DLG2: variants seen among roughly 807,000 people sequenced by gnomAD.
DLG2 encodes discs large MAGUK scaffold protein 2.
In DLG2, 45 loss-of-function variants were observed where a neutral mutation model predicts 132.5. That is an observed-to-expected ratio of 0.34 (90% confidence interval 0.27 to 0.44). The LOEUF (loss-of-function observed/expected upper bound fraction) is 0.44, where lower values mean the gene tolerates loss of function less well. Among genes scored for constraint, DLG2 ranks in the 20% least tolerant of loss-of-function variants. The pLI is 1.00. For missense variants in DLG2, 1,045 were observed against 1,196.9 expected, an observed-to-expected ratio of 0.87 and a Z score of 1.87; for synonymous variants, 424 against 419.6, an observed-to-expected ratio of 1.01 and a Z score of -0.13.
chr11:85,283,575 T>C (rs751918948), intron 4 of DLG2, among the ~76,000 whole-genome samples: 1 of 150,382 alleles, frequency 6.6e-6, no homozygotes, highest in Admixed American at 6.6e-5. Context: ...CTTAGAAAAA[T>C]AGACAAAGAG....
chr11:83,637,236 C>T lies in DLG2; in HGVS notation c.1826-3911G>A, dbSNP rs1489751488. On this transcript the variant is annotated intron_variant, in intron 18 of 27. Transcript: ENST00000376104. ...TCCATTAAATATTAATTCTCTCTTC[C>T]TCAAATGTTTTACTCATATCTATGC... 2.6e-5 allele frequency among the ~76,000 whole-genome samples: 4 copies of T among 152,224 alleles called. No homozygotes were observed. The East Asian group carries it at 7.7e-4, about 29-fold the overall frequency.
intron 3 of DLG2, among the ~76,000 whole-genome samples, chr11:85,292,282 A>G (rs2078942331): frequency 6.6e-6 from 1 of 152,102 alleles, no homozygotes; most frequent in Non-Finnish European, 1.5e-5. Flanking sequence ...TAAACGTCCT[A>G]TCTTAGGCTT....
chr11:85,600,786 AGTG>A lies in DLG2; in HGVS notation c.-92-2001_-92-1999del, dbSNP rs755374936. On this transcript the variant is annotated intron_variant, in intron 2 of 27. Transcript: ENST00000376104. ...CTGAATCAGATAATAATTTTTGAAT[AGTG>A]GACAAATATTTCCTCAATTTCTGTA... Among the ~76,000 whole-genome samples, 10 of 152,356 alleles carry A rather than the reference AGTG, an allele frequency of 6.6e-5. No individual in the cohort carries two copies. The South Asian group carries it at 2.1e-3, about 32-fold the overall frequency.
At chr11:85,285,397 T>A (rs1415331530) in intron 3 of DLG2, 32 bp from the exon 4 acceptor site, 2 of 1,599,834 alleles carry the variant, frequency 1.3e-6, no homozygotes, top group Non-Finnish European at 1.7e-6. Context: ...AGCATCAAAA[T>A]GTAATGCATG....
intron 5 of DLG2, among the ~76,000 whole-genome samples, chr11:85,148,542 A>G (rs909191862): frequency 1.3e-5 from 2 of 152,154 alleles, no homozygotes; most frequent in African/African-American, 4.8e-5. Flanking sequence ...TTGGCTGCAT[A>G]AATGTCGTAT....
chr11:84,632,951 C>T (rs1433321777), intron 6 of DLG2, among the ~76,000 whole-genome samples: 2 of 152,180 alleles, frequency 1.3e-5, no homozygotes, highest in African/African-American at 4.8e-5. Context: ...AAGTCAGTAG[C>T]TATGAATGAC....
intron 7 of DLG2, among the ~76,000 whole-genome samples, chr11:84,449,021 A>G (rs1468384174): frequency 9.9e-5 from 15 of 151,770 alleles, no homozygotes; most frequent in African/African-American, 2.4e-5. Context: ...CTCTATTTGC[A>G]TTTTTACCTT....
chr11:84,278,803 TTTTATTTA>T (rs146269681), intron 7 of DLG2, among the ~76,000 whole-genome samples: 9 of 150,526 alleles, frequency 6.0e-5, no homozygotes, highest in African/African-American at 7.3e-5. Context: ...GTAAACATTA[TTTTATTTA>T]TTTATTTATT....
chr11:83,567,213 A>C (rs1430876383), intron 19 of DLG2, among the ~76,000 whole-genome samples: 1 of 152,202 alleles, frequency 6.6e-6, no homozygotes, highest in Non-Finnish European at 1.5e-5. Context: ...AGAATGAGTC[A>C]TATCTAAGCA....
At chr11:84,095,062 GA>G (rs1184311395) in intron 10 of DLG2, among the ~76,000 whole-genome samples, 2 of 151,158 alleles carry the variant, frequency 1.3e-5, no homozygotes, top group Non-Finnish European at 3.0e-5. Flanking sequence ...TTATGACCAA[GA>G]GAAAAAAAAG....
chr11:84,862,827 G>GT (rs1257997346), intron 6 of DLG2, among the ~76,000 whole-genome samples: 6 of 128,438 alleles, frequency 4.7e-5, no homozygotes, highest in Admixed American at 7.7e-5. Flanking sequence ...CGGGGGGGGG[G>GT]GGTGGGGGAC....
intron 21 of DLG2, among the ~76,000 whole-genome samples, chr11:83,504,019 C>A (rs1164535893): frequency 1.3e-5 from 2 of 152,150 alleles, no homozygotes; most frequent in East Asian, 3.8e-4. Context: ...GTTAACAATA[C>A]TTCTATGCTG....
chr11:84,240,838 C>G (rs1426870863), intron 8 of DLG2, among the ~76,000 whole-genome samples: 1 of 152,144 alleles, frequency 6.6e-6, no homozygotes, highest in Non-Finnish European at 1.5e-5. Flanking sequence ...AAATTAAGAC[C>G]TAGAAATAGA....
chr11:84,035,454 G>C (rs1248008833), intron 11 of DLG2, among the ~76,000 whole-genome samples: 1 of 152,184 alleles, frequency 6.6e-6, no homozygotes, highest in South Asian at 2.1e-4. Context: ...CACATGAAAA[G>C]TGTGTTACAG....
chr11:84,728,682 T>C (rs1171273020), intron 6 of DLG2, among the ~76,000 whole-genome samples: 1 of 152,198 alleles, frequency 6.6e-6, no homozygotes, highest in East Asian at 1.9e-4. Context: ...CTCCTCTTTG[T>C]ACCTCTGGTA....
At chr11:85,204,466 A>G (rs1039065839) in intron 4 of DLG2, among the ~76,000 whole-genome samples, 2 of 152,128 alleles carry the variant, frequency 1.3e-5, no homozygotes, top group African/African-American at 4.8e-5. Context: ...ACCTAGAAAT[A>G]AATTTAACCA....
chr11:84,121,639 G>A (rs2093923897), intron 9 of DLG2, among the ~76,000 whole-genome samples: 1 of 130,274 alleles, frequency 7.7e-6, no homozygotes, highest in South Asian at 2.5e-4. Flanking sequence ...TCGGCTCACT[G>A]CAAGTTCCGC....
rs146627173 is a variant in DLG2 at position 85,311,985 on chromosome 11, G to C, written c.41-26620C>G. On this transcript the variant is annotated intron_variant, in intron 3 of 27. Transcript: ENST00000376104. ...ATCAACACTCACTAAACATACCATTGTTTTTCATGACTCTGTCCTGTGCTC... is the reference window on the plus strand; with the variant it reads ...ATCAACACTCACTAAACATACCATTCTTTTTCATGACTCTGTCCTGTGCTC... Among the ~76,000 whole-genome samples the C allele has an allele frequency of 2.1e-3, 323 of 152,046 alleles. 1 individual carries two copies. The highest frequency in any genetic ancestry group is 7.6e-3 in the African/African-American group (316 of 41,536).
chr11:84,624,709 G>A (rs970075800), intron 6 of DLG2, among the ~76,000 whole-genome samples: 1 of 151,252 alleles, frequency 6.6e-6, no homozygotes, highest in East Asian at 1.9e-4. Flanking sequence ...TTGGTCCTCA[G>A]CATTTTCAGT....
Sources: allele counts gnomAD v4.1 joint callset (sites outside exome capture counted in the v4.1 genomes callset), GRCh38; gene constraint gnomAD v4.1.1; transcripts MANE v1.5; gene names NCBI Gene and HGNC (gene_info 2026-07-23, HGNC 2026-07-21).